Variants in PRDM5 observed in about 807,000 individuals in gnomAD.
PRDM5 encodes the protein PR/SET domain 5.
A neutral mutation model predicts 81.2 loss-of-function variants in PRDM5; 56 were observed. The observed-to-expected ratio is 0.69, with a 90% CI of 0.56 to 0.86. The LOEUF is 0.86. Ranked by LOEUF, PRDM5 falls within the 40% of genes least tolerant of loss-of-function variation. PRDM5 has a pLI of 0.00. For synonymous variants in PRDM5, 267 were observed against 256.4 expected (o/e 1.04, Z -0.39); for missense variants, 697 against 770.1 (o/e 0.91, Z 1.12).
chr4:120,698,367 T>C (rs1248629779), intron 15 of PRDM5, among the ~76,000 whole-genome samples: 2 of 152,182 alleles, frequency 1.3e-5, no homozygotes, highest in Admixed American at 6.5e-5. Flanking sequence ...CTCCTTGTTT[T>C]CCTTCTAATT....
intron 14 of PRDM5, among the ~76,000 whole-genome samples, chr4:120,732,744 T>C (rs1740454071): frequency 1.3e-5 from 2 of 152,332 alleles, no homozygotes; most frequent in South Asian, 2.1e-4. Flanking sequence ...CCAAATGAAT[T>C]TGAGGAAAGA....
chr4:120,839,258 G>A (rs1195069054), intron 3 of PRDM5: 2 of 702,994 alleles, frequency 2.8e-6, no homozygotes, highest in African/African-American at 1.7e-5. Context: ...CCATTCGGCG[G>A]GTCCCAAATT....
chr4:120,740,724 C>A (rs1286626435), intron 14 of PRDM5, among the ~76,000 whole-genome samples: 1 of 152,178 alleles, frequency 6.6e-6, no homozygotes, highest in Admixed American at 6.5e-5. Flanking sequence ...CTGAATGGGC[C>A]TCCCTGACTC....
At chr4:120,805,697 T>C (rs903582602) in intron 8 of PRDM5, among the ~76,000 whole-genome samples, 4 of 152,196 alleles carry the variant, frequency 2.6e-5, no homozygotes, top group Non-Finnish European at 4.4e-5. Context: ...TGATGGGACA[T>C]ATCTCAAAAT....
rs114995783 is a variant in PRDM5 at position 120,755,262 on chromosome 4, A to G, written c.1538-624T>C. On this transcript the variant is annotated intron_variant, in intron 13 of 15. Transcript: ENST00000264808. ...TTTTTCAAGACAAGCACACATATAC[A>G]CAGCACATTTCAAAAAAAATTCTAC... Among the ~76,000 whole-genome samples the G allele has an allele frequency of 3.2e-3, 494 of 152,354 alleles. 3 individuals are homozygous for G. The highest frequency in any genetic ancestry group is 0.012 in the African/African-American group (486 of 41,584).
intron 14 of PRDM5, among the ~76,000 whole-genome samples, chr4:120,712,248 T>G (rs553801357): frequency 1.3e-5 from 2 of 152,140 alleles, no homozygotes; most frequent in African/African-American, 4.8e-5. Context: ...ATGACTCCAA[T>G]GCACTCCAGC....
chr4:120,918,993 A>G (rs2198032), intron 1 of PRDM5, among the ~76,000 whole-genome samples: 115,325 of 152,194 alleles, frequency 0.76, 44,150 homozygotes, highest in Non-Finnish European at 0.81. Context: ...CTCTGGCCAA[A>G]GCCCAGAGAC....
At chr4:120,713,678 A>G (rs1353792276) in intron 14 of PRDM5, among the ~76,000 whole-genome samples, 1 of 152,216 alleles carries the variant, frequency 6.6e-6, no homozygotes, top group African/African-American at 2.4e-5. Flanking sequence ...CTACTGAATA[A>G]TACAGGTACT....
At chr4:120,788,683 TG>T (rs1750120433) in intron 10 of PRDM5, among the ~76,000 whole-genome samples, 1 of 152,208 alleles carries the variant, frequency 6.6e-6, no homozygotes, top group African/African-American at 2.4e-5. Context: ...TGAAAGAACC[TG>T]GGACAGCATA....
chr4:120,813,482 T>C (rs1363023028), intron 7 of PRDM5, among the ~76,000 whole-genome samples: 3 of 152,220 alleles, frequency 2.0e-5, no homozygotes, highest in African/African-American at 7.2e-5. Context: ...CGTTTTATTA[T>C]AGGACTGCAT....
downstream of PRDM5, among the ~76,000 whole-genome samples, chr4:120,684,469 A>C (rs1161311145): frequency 6.6e-6 from 1 of 151,956 alleles, no homozygotes; most frequent in Non-Finnish European, 1.5e-5. Flanking sequence ...TATGAAAATC[A>C]GGCTTTTTTT....
chr4:120,706,578 C>A (rs1560918394), intron 15 of PRDM5, among the ~76,000 whole-genome samples: 2 of 151,834 alleles, frequency 1.3e-5, no homozygotes, highest in Admixed American at 1.3e-4. Flanking sequence ...AAAAGAGAGA[C>A]CTGGGCAGGA....
In PRDM5 at chr4:120,798,443, G is replaced by A. The variant is rs1480429615; in HGVS notation, c.1031-19C>T. ...CGTTTTTCTATTAAAAAAATGAGTG[G>A]AGACAATCTCATATCTATATAAAGG... On this transcript the variant is annotated intron_variant, in intron 9 of 15. Coordinates refer to ENST00000264808, the MANE Select transcript of PRDM5 (RefSeq NM_018699.4). 1 of 1,571,180 alleles carries A rather than the reference G, an allele frequency of 6.4e-7. No homozygotes were observed. The highest frequency in any genetic ancestry group is 8.8e-7 in the Non-Finnish European group (1 of 1,142,780).
chr4:120,745,262 G>T (rs1578563877), intron 14 of PRDM5, among the ~76,000 whole-genome samples: 1 of 127,766 alleles, frequency 7.8e-6, no homozygotes, highest in Non-Finnish European at 1.6e-5. Context: ...CAATAAATTA[G>T]GTATTGATGG....
chr4:120,854,209 G>C (rs1321210538), intron 2 of PRDM5, among the ~76,000 whole-genome samples: 2 of 152,158 alleles, frequency 1.3e-5, no homozygotes, highest in South Asian at 4.1e-4. Flanking sequence ...GAGGAGGGGA[G>C]TAACTCCAAA....
chr4:120,914,034 G>A (rs1766802981), intron 1 of PRDM5, among the ~76,000 whole-genome samples: 1 of 152,086 alleles, frequency 6.6e-6, no homozygotes, highest in Non-Finnish European at 1.5e-5. Flanking sequence ...TCAACCAAGG[G>A]ATACAGCCCA....
chr4:120,907,974 C>G (rs1029982095), intron 1 of PRDM5, among the ~76,000 whole-genome samples: 9 of 152,190 alleles, frequency 5.9e-5, no homozygotes, highest in African/African-American at 2.2e-4. Flanking sequence ...ATATTCTGGA[C>G]AAGAAGGACG....
At chr4:120,815,427 C>T (rs553359706) in intron 7 of PRDM5, among the ~76,000 whole-genome samples, 1 of 152,336 alleles carries the variant, frequency 6.6e-6, no homozygotes, top group East Asian at 1.9e-4. Flanking sequence ...AGAGCTTTCA[C>T]CATAGGTTGC....
intron 15 of PRDM5, among the ~76,000 whole-genome samples, chr4:120,699,021 G>T (rs1403784719): frequency 6.6e-6 from 1 of 150,878 alleles, no homozygotes; most frequent in African/African-American, 2.4e-5. Context: ...AAAATTTTGA[G>T]GATAAAGACA....
Sources: allele counts gnomAD v4.1 joint callset (sites outside exome capture counted in the v4.1 genomes callset), GRCh38; gene constraint gnomAD v4.1.1; transcripts MANE v1.5; gene names NCBI Gene and HGNC (gene_info 2026-07-23, HGNC 2026-07-21).